LNPK: variants seen among roughly 807,000 people sequenced by gnomAD.
LNPK encodes the protein lunapark, ER junction formation factor, also known as endoplasmic reticulum junction formation protein lunapark.
A neutral mutation model predicts 55.2 loss-of-function variants in LNPK; 29 were observed. That is an observed-to-expected ratio of 0.53 (90% CI 0.39 to 0.72). The LOEUF (loss-of-function observed/expected upper bound fraction) is 0.72, where lower values mean the gene tolerates loss of function less well. LNPK is among the 30% of genes least tolerant of loss of function. LNPK has a pLI of 0.00. For missense variants in LNPK, 467 were observed against 494.8 expected (o/e 0.94, Z 0.53); for synonymous variants, 162 against 168.2 (o/e 0.96, Z 0.29).
intron 4 of LNPK, among the ~76,000 whole-genome samples, chr2:175,986,088 T>C (rs1574891527): frequency 6.6e-6 from 1 of 152,246 alleles, no homozygotes; most frequent in East Asian, 1.9e-4. Context: ...GCATCAACAT[T>C]TGTAAAGCAA....
chr2:175,967,716 G>A, intron 6 of LNPK: 1 of 973,682 alleles, frequency 1.0e-6, no homozygotes, highest in Non-Finnish European at 1.2e-6. Context: ...TACTAATTCA[G>A]ATGTTATATC....
Position 175,929,714 on chromosome 2 carries a change from A to G in LNPK, c.*253T>C, listed in dbSNP as rs1684171188. On this transcript the variant is annotated 3_prime_UTR_variant, in exon 13 of 13. Coordinates refer to ENST00000272748, the MANE Select transcript of LNPK (RefSeq NM_030650.3). ...TGCTTACTTTTAGAATGGACAAAAA[A>G]GTATCTAAAAGCTGTCTCAATAGTG... 1.5e-6 allele frequency: 2 copies of G among 1,297,884 alleles called. No individual in the cohort carries two copies. The highest frequency in any genetic ancestry group is 2.0e-6 in the Non-Finnish European group (2 of 1,024,812). The allele number at this position is 1,297,884 out of a possible 1,614,324, so 80.4% of individuals were successfully genotyped here.
At chr2:175,964,304 C>G in intron 8 of LNPK, 68 bp downstream of exon 8, 4 of 1,339,310 alleles carry the variant, frequency 3.0e-6, no homozygotes, top group Non-Finnish European at 4.3e-6. Flanking sequence ...CTCCAACACA[C>G]TTTTGAACTC....
At chr2:175,967,674 T>C in intron 6 of LNPK, 2 of 984,586 alleles carry the variant, frequency 2.0e-6, no homozygotes, top group South Asian at 4.7e-5. Context: ...TATCCCTGAT[T>C]TGAGGTTTGC....
chr2:175,938,419 A>G, intron 10 of LNPK, 36 bp from the exon 11 acceptor site: 1 of 1,217,144 alleles, frequency 8.2e-7, no homozygotes, highest in South Asian at 1.5e-5. Flanking sequence ...ACCAGTTACA[A>G]ATGCAAACAA....
chr2:175,932,964 A>C (rs1012626773), intron 12 of LNPK, among the ~76,000 whole-genome samples: 1 of 148,726 alleles, frequency 6.7e-6, no homozygotes, highest in African/African-American at 2.5e-5. Context: ...TTTATGGCCC[A>C]GTTTAAGACT....
At chr2:175,943,229 C>A (rs1684945834) in intron 9 of LNPK, among the ~76,000 whole-genome samples, 1 of 149,676 alleles carries the variant, frequency 6.7e-6, no homozygotes. Context: ...AAAAAAAACA[C>A]CTTTTTCTCT....
At chr2:175,990,137 T>C (rs963484133) in intron 4 of LNPK, among the ~76,000 whole-genome samples, 2 of 152,246 alleles carry the variant, frequency 1.3e-5, no homozygotes, top group Non-Finnish European at 1.5e-5. Context: ...ATTTGGATAT[T>C]TGACCCTCTA....
At chr2:175,949,007 C>T (rs146646338) in intron 8 of LNPK, among the ~76,000 whole-genome samples, 152 of 152,220 alleles carry the variant, frequency 1.0e-3, no homozygotes, top group African/African-American at 3.2e-3. Context: ...ATAATGTCTG[C>T]AAACTGATAG....
chr2:175,956,560 T>C (rs1197587116), intron 8 of LNPK, among the ~76,000 whole-genome samples: 2 of 152,194 alleles, frequency 1.3e-5, no homozygotes, highest in African/African-American at 2.4e-5. Context: ...GCAGACCACA[T>C]AAGCTCCTGT....
At chr2:175,950,373 G>A (rs1195963140) in intron 8 of LNPK, among the ~76,000 whole-genome samples, 1 of 152,026 alleles carries the variant, frequency 6.6e-6, no homozygotes, top group Non-Finnish European at 1.5e-5. Context: ...TAACAATAAT[G>A]TGTCATTCAA....
chr2:175,993,225 T>C lies in LNPK; in HGVS notation c.28-2A>G. The C allele has an allele frequency of 3.2e-6, 5 of 1,546,266 alleles. No homozygotes were observed. The highest frequency in any genetic ancestry group is 4.4e-6 in the Non-Finnish European group (5 of 1,139,538). ...AACTTCTACAGTTGAAGGTTTTGTC[T>C]GTTATACAAACAGAAACAAGAGACA... On this transcript the variant is annotated splice_acceptor_variant, in intron 2 of 12. Coordinates refer to ENST00000272748, the MANE Select transcript of LNPK (RefSeq NM_030650.3). LOFTEE classifies it high-confidence loss of function.
At chr2:175,949,631 A>C (rs890011745) in intron 8 of LNPK, among the ~76,000 whole-genome samples, 1 of 152,236 alleles carries the variant, frequency 6.6e-6, no homozygotes, top group African/African-American at 2.4e-5. Flanking sequence ...TGCTTTTACT[A>C]TCACTAGTAC....
chr2:175,955,332 A>G (rs532959048), intron 8 of LNPK, among the ~76,000 whole-genome samples: 1 of 152,324 alleles, frequency 6.6e-6, no homozygotes, highest in Admixed American at 6.5e-5. Context: ...AGAGAAGTCC[A>G]TGTGGAGAGG....
chr2:175,995,015 G>A (rs568223367), intron 2 of LNPK, among the ~76,000 whole-genome samples: 109 of 149,400 alleles, frequency 7.3e-4, no homozygotes, highest in African/African-American at 2.5e-3. Context: ...TCCACCTCCT[G>A]GGTTCAAGCC....
intron 12 of LNPK, among the ~76,000 whole-genome samples, chr2:175,936,826 T>C (rs1041879799): frequency 1.4e-4 from 21 of 152,310 alleles, no homozygotes; most frequent in Admixed American, 3.9e-4. Context: ...CTTTAGAAAA[T>C]TGTTTGTTTT....
At chr2:175,946,353 G>C (rs1297329148) in intron 9 of LNPK, among the ~76,000 whole-genome samples, 3 of 152,032 alleles carry the variant, frequency 2.0e-5, no homozygotes, top group African/African-American at 7.2e-5. Context: ...AGAAACATTA[G>C]TAATTTTCAA....
At chr2:175,951,805 C>A (rs1685433493) in intron 8 of LNPK, among the ~76,000 whole-genome samples, 1 of 151,746 alleles carries the variant, frequency 6.6e-6, no homozygotes, top group African/African-American at 2.4e-5. Context: ...TTAAGGAAAT[C>A]TCCATACTGT....
At chr2:175,936,091 A>G (rs1303358696) in intron 12 of LNPK, among the ~76,000 whole-genome samples, 1 of 152,214 alleles carries the variant, frequency 6.6e-6, no homozygotes, top group East Asian at 1.9e-4. Flanking sequence ...ATGTGACAGC[A>G]TGCAGCTCAG....
Sources: allele counts gnomAD v4.1 joint callset (sites outside exome capture counted in the v4.1 genomes callset), GRCh38; gene constraint gnomAD v4.1.1; transcripts MANE v1.5; gene names NCBI Gene and HGNC (gene_info 2026-07-23, HGNC 2026-07-21).